ERBB4: variants seen among roughly 807,000 people sequenced by gnomAD.
The protein encoded by ERBB4 is erb-b2 receptor tyrosine kinase 4.
A neutral mutation model predicts 158.0 loss-of-function variants in ERBB4; 42 were observed. The observed-to-expected ratio is 0.27, with a 90% CI of 0.21 to 0.34. The LOEUF (loss-of-function observed/expected upper bound fraction) is 0.34, where lower values mean the gene tolerates loss of function less well. Ranked by LOEUF, ERBB4 falls within the 10% of genes least tolerant of loss-of-function variation. ERBB4 has a pLI of 1.00. For missense variants in ERBB4, 1,333 were observed against 1,624.1 expected, an observed-to-expected ratio of 0.82 and a Z score of 3.08; for synonymous variants, 583 against 558.7, an observed-to-expected ratio of 1.04 and a Z score of -0.61.
intron 1 of ERBB4, among the ~76,000 whole-genome samples, chr2:212,345,083 G>A (rs1016905114): frequency 2.0e-5 from 3 of 151,842 alleles, no homozygotes; most frequent in Non-Finnish European, 4.4e-5. Context: ...GGCTAACACG[G>A]TGAAACCCCG....
chr2:211,871,218 C>A (rs2078336073), intron 3 of ERBB4, among the ~76,000 whole-genome samples: 1 of 152,196 alleles, frequency 6.6e-6, no homozygotes, highest in East Asian at 1.9e-4. Flanking sequence ...TTTTAAGCTG[C>A]CAAAAGATAT....
chr2:211,445,281 G>A (rs371687748), intron 20 of ERBB4, among the ~76,000 whole-genome samples: 1 of 152,208 alleles, frequency 6.6e-6, no homozygotes, highest in South Asian at 2.1e-4. Flanking sequence ...TATAATACTA[G>A]TTCCAATAGC....
chr2:211,420,974 A>G (rs2063502576), intron 24 of ERBB4, among the ~76,000 whole-genome samples: 1 of 151,976 alleles, frequency 6.6e-6, no homozygotes, highest in African/African-American at 2.4e-5. Context: ...AAAGGTGATC[A>G]ATTTATCAAC....
intron 2 of ERBB4, among the ~76,000 whole-genome samples, chr2:212,014,604 T>A (rs2125313378): frequency 6.6e-6 from 1 of 152,264 alleles, no homozygotes; most frequent in African/African-American, 2.4e-5. Flanking sequence ...ATCTGGGCAT[T>A]TATTTTTAAT....
Position 211,774,112 on chromosome 2 carries a change from G to T in ERBB4, c.556+13913C>A, listed in dbSNP as rs73069342. 4.8e-3 allele frequency among the ~76,000 whole-genome samples: 710 copies of T among 149,254 alleles called. 5 individuals carry two copies. Among genetic ancestry groups the T allele is most frequent in the Non-Finnish European group, 5.0e-3 (337 of 67,540 alleles). ...TCTTGAGATGGAGTCTCCCTCTGTC[G>T]CCCAGGCTGGAGTGCAATGGTGTGA... On this transcript the variant is annotated intron_variant, in intron 4 of 27. Transcript: ENST00000342788.
At chr2:211,393,905 TG>T (rs2062857272) in intron 25 of ERBB4, among the ~76,000 whole-genome samples, 1 of 152,038 alleles carries the variant, frequency 6.6e-6, no homozygotes, top group Admixed American at 6.6e-5. Flanking sequence ...TTTAAATAAC[TG>T]GAGAGCACAA....
At chr2:212,485,595 C>A (rs1262162362) in intron 1 of ERBB4, among the ~76,000 whole-genome samples, 1 of 152,176 alleles carries the variant, frequency 6.6e-6, no homozygotes, top group African/African-American at 2.4e-5. Context: ...TAACATGGTG[C>A]TGTTAAAAAA....
At chr2:212,528,496 TA>T (rs1412679057) in intron 1 of ERBB4, among the ~76,000 whole-genome samples, 1 of 152,132 alleles carries the variant, frequency 6.6e-6, no homozygotes, top group Non-Finnish European at 1.5e-5. Flanking sequence ...ATTCTTAAAG[TA>T]AAAAAGGTCA....
In ERBB4 at chr2:212,031,099, G is replaced by T. The variant is rs1050580533; in HGVS notation, c.235-83483C>A. On this transcript the variant is annotated intron_variant, in intron 2 of 27. Coordinates refer to ENST00000342788, the MANE Select transcript of ERBB4 (RefSeq NM_005235.3). ...TGATTATACCCAAGCTACTCCTTCT[G>T]GCTCCATTCTTTGCCCAGCAAAATC... Among the ~76,000 whole-genome samples the T allele has an allele frequency of 4.6e-5, 7 of 151,950 alleles. 1 individual carries two copies. The South Asian group carries it at 1.5e-3, about 32-fold the overall frequency.
intron 1 of ERBB4, among the ~76,000 whole-genome samples, chr2:212,513,355 C>T (rs900355046): frequency 1.3e-5 from 2 of 152,076 alleles, no homozygotes; most frequent in Non-Finnish European, 2.9e-5. Flanking sequence ...AAAAAGTTAC[C>T]GCCTTTATAG....
chr2:212,156,571 A>G (rs1306926083), intron 1 of ERBB4, among the ~76,000 whole-genome samples: 3 of 152,156 alleles, frequency 2.0e-5, no homozygotes, highest in Non-Finnish European at 4.4e-5. Context: ...TCTTCAACAT[A>G]AGACAAGGAA....
chr2:212,329,352 A>G lies in ERBB4; in HGVS notation c.83-204449T>C, dbSNP rs559678712. Among the ~76,000 whole-genome samples the G allele has an allele frequency of 3.9e-5, 6 of 152,206 alleles. No homozygotes were observed. In the South Asian group the frequency reaches 8.3e-4, roughly 21 times the overall value. On this transcript the variant is annotated intron_variant, in intron 1 of 27. Coordinates refer to ENST00000342788, the MANE Select transcript of ERBB4 (RefSeq NM_005235.3). The stretch of plus-strand genomic sequence containing the variant: ...CTTGAGACTATAGAATTGCTTTTTT[A>G]GCTTTTACACACAGTCATTAGCAAT...
chr2:212,390,581 T>C (rs180762838), intron 1 of ERBB4, among the ~76,000 whole-genome samples: 1 of 152,000 alleles, frequency 6.6e-6, no homozygotes, highest in African/African-American at 2.4e-5. Flanking sequence ...AAAGCTATGC[T>C]ATGTCCTTCA....
intron 25 of ERBB4, among the ~76,000 whole-genome samples, chr2:211,416,568 G>T (rs574148455): frequency 6.6e-6 from 1 of 152,276 alleles, no homozygotes; most frequent in African/African-American, 2.4e-5. Flanking sequence ...AATCAGATTT[G>T]CAGGAAGTCA....
rs775443386 is a variant in ERBB4, at chr2:212,124,893, T to G, written c.93A>C (p.Gly31=). 1 of 1,614,184 alleles carries G rather than the reference T, an allele frequency of 6.2e-7. No homozygotes were observed. The highest frequency in any genetic ancestry group is 8.5e-7 in the Non-Finnish European group (1 of 1,180,016). Residue 31 remains glycine, a synonymous_variant, in exon 2 of 28, where the codon GGA becomes GGC. Transcript: ENST00000342788. ...AGAGAGAGCTCAGTTTATTCTCCGT[T>G]CCTGCACACACTGCAAAGACAAGAA... ...QPSDSQSVCA[G]TENKLSSLSD... is the part of the protein sequence containing the mutation.
At chr2:211,397,624 T>G (rs1004851208) in intron 25 of ERBB4, among the ~76,000 whole-genome samples, 1 of 152,118 alleles carries the variant, frequency 6.6e-6, no homozygotes, top group Admixed American at 6.5e-5. Context: ...GAGGTGAAAC[T>G]CTAAAGCAGG....
At position 211,973,327 on chromosome 2, in the gene ERBB4, G is replaced by A. The variant is rs533467223; in HGVS notation, c.235-25711C>T. Among the ~76,000 whole-genome samples the A allele has an allele frequency of 4.6e-5, 7 of 151,376 alleles. No individual in the cohort carries two copies. The East Asian group carries it at 5.9e-4, about 13-fold the overall frequency. On this transcript the variant is annotated intron_variant, in intron 2 of 27. Coordinates refer to ENST00000342788, the MANE Select transcript of ERBB4 (RefSeq NM_005235.3). Reference sequence around the variant, plus strand: ...TGCCATTCTCCTGCCTCAGCCTCCCGAGTAGCTGGGACTACAGGTGCCCGC... The same window carrying A: ...TGCCATTCTCCTGCCTCAGCCTCCCAAGTAGCTGGGACTACAGGTGCCCGC...
intron 3 of ERBB4, among the ~76,000 whole-genome samples, chr2:211,860,180 A>G (rs2077975859): frequency 6.6e-6 from 1 of 152,176 alleles, no homozygotes; most frequent in Non-Finnish European, 1.5e-5. Flanking sequence ...TTCATTACTA[A>G]GTAAAGTATA....
intron 2 of ERBB4, among the ~76,000 whole-genome samples, chr2:211,954,456 CA>C (rs571939819): frequency 0.023 from 3,446 of 151,978 alleles, 53 homozygotes; most frequent in Middle Eastern, 0.072. Flanking sequence ...TGTAATCAGT[CA>C]AAAAGATCCA....
Sources: allele counts gnomAD v4.1 joint callset (sites outside exome capture counted in the v4.1 genomes callset), GRCh38; gene constraint gnomAD v4.1.1; transcripts MANE v1.5; gene names NCBI Gene and HGNC (gene_info 2026-07-23, HGNC 2026-07-21).